BCAS3: variants seen among roughly 807,000 people sequenced by gnomAD.
BCAS3 encodes the protein BCAS4/BCAS3 fusion.
In BCAS3, 53 loss-of-function variants were observed where a neutral mutation model predicts 116.1. That is an observed-to-expected ratio of 0.46 (90% CI 0.37 to 0.57). The LOEUF is 0.57. Among genes scored for constraint, BCAS3 ranks in the 20% least tolerant of loss-of-function variants. The pLI is 0.00. For missense variants in BCAS3, 917 were observed against 1,165.4 expected, an observed-to-expected ratio of 0.79 and a Z score of 3.10; for synonymous variants, 391 against 408.2, an observed-to-expected ratio of 0.96 and a Z score of 0.51.
In BCAS3 at chr17:60,947,112, A is replaced by AT. The variant is rs1048322846; in HGVS notation, c.1088-100dup. The AT allele has an allele frequency of 1.8e-5, 21 of 1,155,806 alleles. No homozygotes were observed. The African/African-American group carries it at 2.8e-4, about 15-fold the overall frequency. The allele number at this position is 1,155,806 out of a possible 1,614,324, so 71.6% of individuals were successfully genotyped here. Reference sequence around the variant, plus strand: ...TGTAAAGTTTCTTATAGCCTTGGTAATTTTTTTCCCATTGGTAATATTTTA... The same window carrying AT: ...TGTAAAGTTTCTTATAGCCTTGGTAATTTTTTTTCCCATTGGTAATATTTTA... On this transcript the variant is annotated intron_variant, in intron 13 of 23. Coordinates refer to ENST00000407086, the MANE Select transcript of BCAS3 (RefSeq NM_017679.5).
In BCAS3 at chr17:61,285,863, A is replaced by G. The variant is rs2051721949; in HGVS notation, c.2426-82464A>G. Among the ~76,000 whole-genome samples, 2 of 152,114 alleles carry G rather than the reference A, an allele frequency of 1.3e-5. No homozygotes were observed. The highest frequency in any genetic ancestry group is 4.1e-4 in the South Asian group (2 of 4,830). On this transcript the variant is annotated intron_variant, in intron 22 of 23. Coordinates refer to ENST00000407086, the MANE Select transcript of BCAS3 (RefSeq NM_017679.5). This position sits in a 1 kb window ranked among gnomAD's most constrained non-coding sequence, Gnocchi z 5.4. ...CTCCAGTCCCTACTTTAGGCGAATC[A>G]GCTTTAGTCCTCTAAATTCTAAAGC...
chr17:60,803,796 A>ATTTTTTTTT (rs11384999), intron 6 of BCAS3, among the ~76,000 whole-genome samples: 3 of 89,308 alleles, frequency 3.4e-5, no homozygotes, highest in Non-Finnish European at 5.9e-5. Context: ...AACTATTACG[A>ATTTTTTTTT]TTTTTTTTTT....
rs1008741532 is a variant in BCAS3 at position 60,818,027 on chromosome 17, G to A, written c.476+9951G>A. Among the ~76,000 whole-genome samples, 12 of 151,936 alleles carry A rather than the reference G, an allele frequency of 7.9e-5. No individual in the cohort carries two copies. The South Asian group carries it at 2.1e-3, about 26-fold the overall frequency. On this transcript the variant is annotated intron_variant, in intron 7 of 23. Transcript: ENST00000407086. ...GCGCCACCATGCCCTGCTAATTTTTGTAATTTTAGTAGAGATAGGGTTTCC... is the reference window on the plus strand; with the variant it reads ...GCGCCACCATGCCCTGCTAATTTTTATAATTTTAGTAGAGATAGGGTTTCC...
intron 5 of BCAS3, among the ~76,000 whole-genome samples, chr17:60,722,490 C>T (rs796451051): frequency 7.9e-5 from 12 of 152,086 alleles, no homozygotes; most frequent in African/African-American, 2.4e-4. Flanking sequence ...GGGCTGGGTG[C>T]GGTGGCTCAT....
At chr17:61,280,906 G>A (rs1568742320) in intron 22 of BCAS3, among the ~76,000 whole-genome samples, 1 of 152,126 alleles carries the variant, frequency 6.6e-6, no homozygotes, top group South Asian at 2.1e-4. Flanking sequence ...CCAACTGATT[G>A]GCCTGCTGTA....
At chr17:60,899,181 C>G (rs1265548197) in intron 10 of BCAS3, among the ~76,000 whole-genome samples, 1 of 152,030 alleles carries the variant, frequency 6.6e-6, no homozygotes. Flanking sequence ...GAGGGTAGGT[C>G]TGGCCTCAGT....
chr17:60,892,024 A>G (rs938972997), intron 10 of BCAS3, among the ~76,000 whole-genome samples: 2 of 152,198 alleles, frequency 1.3e-5, no homozygotes, highest in African/African-American at 2.4e-5. Context: ...GTGTATAACC[A>G]TATTTTCTTT....
intron 22 of BCAS3, among the ~76,000 whole-genome samples, chr17:61,287,842 C>T (rs2051989599): frequency 6.6e-6 from 1 of 152,182 alleles, no homozygotes; most frequent in Non-Finnish European, 1.5e-5. Flanking sequence ...TTGTTCAGTA[C>T]ATACTATGTG....
At chr17:60,820,985 C>T (rs2049912160) in intron 7 of BCAS3, among the ~76,000 whole-genome samples, 1 of 152,042 alleles carries the variant, frequency 6.6e-6, no homozygotes, top group Admixed American at 6.5e-5. Flanking sequence ...TTGCTCTTGT[C>T]GCCCAGGCTG....
At position 61,189,983 on chromosome 17, in the gene BCAS3, G is replaced by A. The variant is rs2080004564; in HGVS notation, c.2425+105419G>A. Among the ~76,000 whole-genome samples the A allele has an allele frequency of 1.3e-5, 2 of 152,160 alleles. No individual in the cohort carries two copies. The highest frequency in any genetic ancestry group is 2.4e-5 in the African/African-American group (1 of 41,436). On this transcript the variant is annotated intron_variant, in intron 22 of 23. Transcript: ENST00000407086. This position sits in a 1 kb window ranked among gnomAD's most constrained non-coding sequence, Gnocchi z 4.5. Reference sequence around the variant, plus strand: ...CAGCAAAATATTACAGACTAGCATAGGATAATTTGTACAGAATTAACTGTC... The same window carrying A: ...CAGCAAAATATTACAGACTAGCATAAGATAATTTGTACAGAATTAACTGTC...
In BCAS3 at chr17:61,388,658, C is replaced by A. The variant is rs1341993714; in HGVS notation, c.2594-3319C>A. On this transcript the variant is annotated intron_variant, in intron 23 of 23. Coordinates refer to ENST00000407086, the MANE Select transcript of BCAS3 (RefSeq NM_017679.5). This position sits in a 1 kb window ranked among gnomAD's most constrained non-coding sequence, Gnocchi z 6.5. ...AAAAAAAACAATGCCAACAGCCCAG[C>A]GTCCGTGAGCAACCCAACAGTAACA... The A allele has an allele frequency of 6.5e-7, 1 of 1,545,706 alleles. No individual in the cohort carries two copies. Among genetic ancestry groups the A allele is most frequent in the Non-Finnish European group, 8.7e-7 (1 of 1,153,116 alleles).
At chr17:60,954,470 TA>T (rs555338437) in intron 14 of BCAS3, among the ~76,000 whole-genome samples, 1 of 152,356 alleles carries the variant, frequency 6.6e-6, no homozygotes, top group African/African-American at 2.4e-5. Context: ...TCAATGGTAT[TA>T]ATTCACACTG....
At chr17:61,157,148 CTGAT>C (rs1193405512) in intron 22 of BCAS3, among the ~76,000 whole-genome samples, 2 of 152,058 alleles carry the variant, frequency 1.3e-5, no homozygotes, top group Non-Finnish European at 2.9e-5. Flanking sequence ...GGAAATAACT[CTGAT>C]TGATTTGGAT....
intron 22 of BCAS3, among the ~76,000 whole-genome samples, chr17:61,182,561 A>AAT (rs1050276036): frequency 6.6e-6 from 1 of 152,222 alleles, no homozygotes; most frequent in Admixed American, 6.5e-5. Flanking sequence ...TAAGTATACA[A>AAT]TTTAATGATT....
rs1366981350 is a variant in BCAS3 at position 61,041,710 on chromosome 17, A to C, written c.2029+818A>C. On this transcript the variant is annotated intron_variant, in intron 19 of 23. Transcript: ENST00000407086. This position sits in a 1 kb window ranked among gnomAD's most constrained non-coding sequence, Gnocchi z 4.7. ...ATTAAAATAGTTGTCGAATGATTTT[A>C]TTTTATCTTTATAATGTGCTATATA... 6.6e-6 allele frequency among the ~76,000 whole-genome samples: 1 copy of C among 152,000 alleles called. No homozygotes were observed. Among genetic ancestry groups the C allele is most frequent in the African/African-American group, 2.4e-5 (1 of 41,418 alleles).
At chr17:60,820,661 A>T (rs2049878420) in intron 7 of BCAS3, among the ~76,000 whole-genome samples, 1 of 152,246 alleles carries the variant, frequency 6.6e-6, no homozygotes, top group South Asian at 2.1e-4. Flanking sequence ...AAAAAAATTT[A>T]AAAAGTAAAA....
At chr17:61,287,809 TAAC>T (rs530691407) in intron 22 of BCAS3, among the ~76,000 whole-genome samples, 3 of 152,324 alleles carry the variant, frequency 2.0e-5, no homozygotes, top group African/African-American at 4.8e-5. Context: ...AAAGCAGTAA[TAAC>T]AACAATAGGA....
intron 4 of BCAS3, among the ~76,000 whole-genome samples, chr17:60,698,183 CAAAAA>C (rs759028839): frequency 3.6e-5 from 2 of 55,290 alleles, no homozygotes; most frequent in African/African-American, 6.6e-5. Flanking sequence ...CTCCGTCTCA[CAAAAA>C]AAAAAAAAAA....
rs1184075571 is a variant in BCAS3 at position 61,085,983 on chromosome 17, G to A, written c.2425+1419G>A. Among the ~76,000 whole-genome samples, 3 of 152,068 alleles carry A rather than the reference G, an allele frequency of 2.0e-5. No individual in the cohort carries two copies. The East Asian group carries it at 5.8e-4, about 29-fold the overall frequency. ...ACCAGATTACTGATGTTTTATTGTC[G>A]AGTGACTAGCTACTAGGAACACATG... On this transcript the variant is annotated intron_variant, in intron 22 of 23. Transcript: ENST00000407086.
Sources: allele counts gnomAD v4.1 joint callset (sites outside exome capture counted in the v4.1 genomes callset), GRCh38; gene constraint gnomAD v4.1.1; non-coding constraint Gnocchi (gnomAD v3.1); transcripts MANE v1.5; gene names NCBI Gene and HGNC (gene_info 2026-07-23, HGNC 2026-07-21).